GLG1: variants seen among roughly 807,000 people sequenced by gnomAD.
The protein encoded by GLG1 is golgi glycoprotein 1.
Under a neutral mutation model 160.5 loss-of-function variants are expected in GLG1, and 38 were observed. That is an observed-to-expected ratio of 0.24 (90% CI 0.18 to 0.31). The LOEUF is 0.31. Among genes scored for constraint, GLG1 ranks in the 10% least tolerant of loss-of-function variants. The pLI is 1.00. For missense variants in GLG1, 1,373 were observed against 1,505.2 expected (o/e 0.91, Z 1.45); for synonymous variants, 644 against 543.4 (o/e 1.19, Z -2.57).
At chr16:74,482,830 T>C (rs1294863082) in intron 10 of GLG1, among the ~76,000 whole-genome samples, 193 bp downstream of exon 10, 2 of 152,208 alleles carry the variant, frequency 1.3e-5, no homozygotes, top group African/African-American at 4.8e-5. Flanking sequence ...AGGCTGGTAG[T>C]GGGCTGACTC....
chr16:74,568,866 A>G (rs2018736676), intron 1 of GLG1, among the ~76,000 whole-genome samples: 1 of 152,246 alleles, frequency 6.6e-6, no homozygotes, highest in African/African-American at 2.4e-5. Context: ...ATAAACAACT[A>G]AAAGTGTTGG....
chr16:74,484,994 A>G (rs1468088314), intron 9 of GLG1, among the ~76,000 whole-genome samples: 1 of 151,982 alleles, frequency 6.6e-6, no homozygotes, highest in Non-Finnish European at 1.5e-5. Context: ...ACTCACTGTA[A>G]CCTTGAACTC....
intron 15 of GLG1, among the ~76,000 whole-genome samples, chr16:74,470,511 C>A (rs2143243210): frequency 6.9e-6 from 1 of 143,934 alleles, no homozygotes; most frequent in Admixed American, 7.1e-5. Flanking sequence ...TGCAGTTGTG[C>A]GATCTCGGCT....
chr16:74,590,057 T>C, intron 1 of GLG1, among the ~76,000 whole-genome samples: 1 of 152,008 alleles, frequency 6.6e-6, no homozygotes, highest in East Asian at 2.0e-4. Context: ...CTGGATGGAG[T>C]GCAGTGACAC....
At chr16:74,465,279 C>G (rs75885802) in intron 19 of GLG1, among the ~76,000 whole-genome samples, 303 of 152,292 alleles carry the variant, frequency 2.0e-3, no homozygotes, top group Middle Eastern at 0.01. Context: ...TCTGAATGTG[C>G]CAGATGGATG....
chr16:74,506,117 A>G (rs2016593862), intron 3 of GLG1, among the ~76,000 whole-genome samples: 1 of 145,074 alleles, frequency 6.9e-6, no homozygotes, highest in Admixed American at 6.9e-5. Flanking sequence ...AACAAAACAG[A>G]CTTAAGTTTG....
At chr16:74,584,325 T>G (rs1294439943) in intron 1 of GLG1, among the ~76,000 whole-genome samples, 1 of 152,208 alleles carries the variant, frequency 6.6e-6, no homozygotes, top group Non-Finnish European at 1.5e-5. Context: ...TTTATTCTCC[T>G]TGCAGACAAT....
intron 1 of GLG1, among the ~76,000 whole-genome samples, chr16:74,585,515 G>A (rs1404047329): frequency 6.6e-6 from 1 of 151,798 alleles, no homozygotes; most frequent in Admixed American, 6.6e-5. Flanking sequence ...GACCATCCTG[G>A]CTAACAGGGT....
intron 1 of GLG1, among the ~76,000 whole-genome samples, chr16:74,542,702 GAGGA>G (rs1275101336): frequency 9.7e-5 from 6 of 61,730 alleles, no homozygotes; most frequent in Admixed American, 2.1e-4. Flanking sequence ...AGGAGGGAGG[GAGGA>G]AGGGAAGAAG....
chr16:74,567,927 C>T lies in GLG1; in HGVS notation c.439-35774G>A, dbSNP rs1442217047. ...TCCTGGCTTTCTTTTGGGGATTCAC[C>T]CAACTCTGTCAATCTCAGTCTGAGT... On this transcript the variant is annotated intron_variant, in intron 1 of 25. Transcript: ENST00000422840. Among the ~76,000 whole-genome samples the T allele has an allele frequency of 2.6e-5, 4 of 152,050 alleles. No individual in the cohort carries two copies. In the East Asian group the frequency reaches 7.7e-4, roughly 29 times the overall value.
intron 13 of GLG1, among the ~76,000 whole-genome samples, chr16:74,473,540 CGCCACTCTCCT>C (rs1327366295): frequency 6.8e-6 from 1 of 146,632 alleles, no homozygotes. Flanking sequence ...CCCGGGTTCA[CGCCACTCTCCT>C]GCCTCAGCCT....
At chr16:74,492,453 G>A (rs1237012630) in intron 7 of GLG1, among the ~76,000 whole-genome samples, 1 of 151,674 alleles carries the variant, frequency 6.6e-6, no homozygotes, top group Non-Finnish European at 1.5e-5. Flanking sequence ...GAGCTAAGGT[G>A]GGAGGATCAC....
At chr16:74,495,052 T>C (rs1179603724) in intron 5 of GLG1, among the ~76,000 whole-genome samples, 1 of 151,992 alleles carries the variant, frequency 6.6e-6, no homozygotes, top group African/African-American at 2.4e-5. Context: ...TTGTCATTTG[T>C]TCTCAGATGT....
intron 2 of GLG1, among the ~76,000 whole-genome samples, chr16:74,530,496 T>A (rs1051616878): frequency 5.9e-5 from 9 of 152,246 alleles, no homozygotes; most frequent in Admixed American, 3.9e-4. Context: ...CATAAATAAA[T>A]GGTGTGGCTG....
chr16:74,475,557 C>T (rs185757605), intron 12 of GLG1, among the ~76,000 whole-genome samples: 30 of 152,288 alleles, frequency 2.0e-4, no homozygotes, highest in African/African-American at 2.9e-4. Context: ...CTTGTGTGGG[C>T]TTTGGAAACC....
At chr16:74,484,088 C>G (rs1409323094) in intron 9 of GLG1, among the ~76,000 whole-genome samples, 1 of 152,082 alleles carries the variant, frequency 6.6e-6, no homozygotes, top group Non-Finnish European at 1.5e-5. Flanking sequence ...CCCCTGCCCC[C>G]TCTTTGCTTG....
intron 1 of GLG1, among the ~76,000 whole-genome samples, chr16:74,547,732 C>T (rs1389270359): frequency 6.6e-6 from 1 of 152,250 alleles, no homozygotes; most frequent in Admixed American, 6.5e-5. Flanking sequence ...TTCCAAACCC[C>T]TCTGACAAAC....
chr16:74,455,906 C>A (rs950336470), intron 25 of GLG1, among the ~76,000 whole-genome samples: 1 of 152,172 alleles, frequency 6.6e-6, no homozygotes, highest in African/African-American at 2.4e-5. Flanking sequence ...ATGTAAACTA[C>A]AAAGCAATGT....
intron 25 of GLG1, 156 bp downstream of exon 25, chr16:74,456,493 C>T (rs1220183501): frequency 1.8e-5 from 11 of 613,174 alleles, no homozygotes; most frequent in Non-Finnish European, 3.1e-5. Flanking sequence ...TATTGCTAGT[C>T]TCACAATAAG....
Sources: gnomAD v4.1 joint callset for allele counts (sites outside exome capture counted in the v4.1 genomes callset) on GRCh38, gnomAD v4.1.1 for gene constraint, MANE v1.5 for transcripts, NCBI Gene and HGNC (gene_info 2026-07-23, HGNC 2026-07-21) for gene names.